OPRM1: variants seen among roughly 807,000 people sequenced by gnomAD.
OPRM1 encodes opioid receptor mu 1.
OPRM1 carries 27 observed loss-of-function variants against 31.8 expected under a neutral mutation model. The observed-to-expected ratio is 0.85, with a 90% CI of 0.63 to 1.17. OPRM1 has a LOEUF of 1.17. Among genes scored for constraint, OPRM1 ranks in the 50% most tolerant of loss-of-function variants. The probability of loss-of-function intolerance (pLI) is 0.00; values close to 1 mark genes in which losing one functional copy is unlikely to be tolerated. For missense variants in OPRM1, 536 were observed against 511.1 expected, an observed-to-expected ratio of 1.05 and a Z score of -0.47; for synonymous variants, 196 against 189.9, an observed-to-expected ratio of 1.03 and a Z score of -0.26.
chr6:154,013,580 A>G (rs1777844642), intron 1 of OPRM1, among the ~76,000 whole-genome samples: 1 of 152,228 alleles, frequency 6.6e-6, no homozygotes, highest in Admixed American at 6.5e-5. Flanking sequence ...GTAAAAGTTT[A>G]ATAAAGCTTA....
At chr6:154,086,735 C>T in intron 1 of OPRM1, 1 of 985,262 alleles carries the variant, frequency 1.0e-6, no homozygotes, top group Non-Finnish European at 1.2e-6. Context: ...TAACATAAAA[C>T]ACCATTAAAG....
In OPRM1 at chr6:154,168,618, T is replaced by C. The variant is rs556204718; in HGVS notation, c.1164+77146T>C. ...TAATTAATTAATTTTATTATTATTT[T>C]TTTTGAGACGGAGTTTTACTGCTGT... is the stretch of plus-strand genomic sequence containing the variant. On this transcript the variant is annotated intron_variant, in intron 3 of 3. Transcript: ENST00000337049. This position sits in a 1 kb window ranked among gnomAD's most constrained non-coding sequence, Gnocchi z 4.1. Among the ~76,000 whole-genome samples, 46 of 152,118 alleles carry C rather than the reference T, an allele frequency of 3.0e-4. No homozygotes were observed. The highest frequency in any genetic ancestry group is 5.6e-4 in the Non-Finnish European group (38 of 68,016).
chr6:154,236,651 G>A (rs1357335619), intron 3 of OPRM1, among the ~76,000 whole-genome samples: 1 of 152,168 alleles, frequency 6.6e-6, no homozygotes, highest in Non-Finnish European at 1.5e-5. Flanking sequence ...AAGATTCAAG[G>A]TGTGAAAATA....
chr6:154,135,478 T>TATAG (rs1428028115), downstream of OPRM1, among the ~76,000 whole-genome samples: 9 of 143,292 alleles, frequency 6.3e-5, no homozygotes, highest in Admixed American at 7.1e-5. Flanking sequence ...TAAAAAAAAA[T>TATAG]ATATAGATAG....
At chr6:154,216,135 T>C (rs1291343473) in intron 3 of OPRM1, among the ~76,000 whole-genome samples, 1 of 152,114 alleles carries the variant, frequency 6.6e-6, no homozygotes, top group Non-Finnish European at 1.5e-5. Flanking sequence ...ATCAATCCTA[T>C]AGAAACACAC....
At chr6:154,012,130 C>T (rs1777763793) in intron 1 of OPRM1, among the ~76,000 whole-genome samples, 2 of 152,140 alleles carry the variant, frequency 1.3e-5, no homozygotes, top group African/African-American at 2.4e-5. Context: ...AAGGTTTGGA[C>T]ATAACTATGG....
intron 1 of OPRM1, among the ~76,000 whole-genome samples, chr6:154,026,948 C>A (rs1030304086): frequency 1.3e-5 from 2 of 151,410 alleles, no homozygotes; most frequent in African/African-American, 2.5e-5. Context: ...CAGGAATAGT[C>A]CCTGGTGGCT....
chr6:154,241,866 C>T (rs1205593116), intron 3 of OPRM1, among the ~76,000 whole-genome samples: 1 of 152,196 alleles, frequency 6.6e-6, no homozygotes, highest in Admixed American at 6.5e-5. Flanking sequence ...ACTATCACTA[C>T]ATGTCTCAGT....
At chr6:154,132,844 G>A (rs1180495874), downstream of OPRM1, among the ~76,000 whole-genome samples, 1 of 152,124 alleles carries the variant, frequency 6.6e-6, no homozygotes, top group Non-Finnish European at 1.5e-5. Context: ...AAAAACGGCT[G>A]GGCGTGGTGG....
intron 1 of OPRM1, chr6:154,087,082 C>T (rs1224516636): frequency 1.0e-6 from 1 of 984,838 alleles, no homozygotes; most frequent in Non-Finnish European, 1.2e-6. Context: ...ATGGCTCTAT[C>T]TTTTTCTTTA....
At chr6:154,138,685 G>A (rs1276511807) in intron 3 of OPRM1, among the ~76,000 whole-genome samples, 6 of 152,186 alleles carry the variant, frequency 3.9e-5, no homozygotes, top group African/African-American at 1.2e-4. Flanking sequence ...ACTTTGGGAG[G>A]AACTTAGTTT....
At chr6:154,232,867 TTTA>T (rs1234481729) in intron 3 of OPRM1, among the ~76,000 whole-genome samples, 1 of 151,786 alleles carries the variant, frequency 6.6e-6, no homozygotes, top group Admixed American at 6.6e-5. Context: ...AATCCAAGAA[TTTA>T]TTATTATTAG....
At chr6:154,180,719 G>A (rs925548879) in intron 3 of OPRM1, among the ~76,000 whole-genome samples, 3 of 152,108 alleles carry the variant, frequency 2.0e-5, no homozygotes, top group South Asian at 4.1e-4. Flanking sequence ...GAATGTGGCT[G>A]TTTATTTTCT....
At position 154,119,248 on chromosome 6, in the gene OPRM1, T is replaced by C. The variant is rs1332154882; in HGVS notation, c.*527T>C. 7 of 985,402 alleles carry C rather than the reference T, an allele frequency of 7.1e-6. No homozygotes were observed. The highest frequency in any genetic ancestry group is 8.4e-6 in the Non-Finnish European group (7 of 829,708). The allele number at this position is 985,402 out of a possible 1,614,324, so 61.0% of individuals were successfully genotyped here. A position where few individuals can be genotyped will look rare whatever the true frequency, so the allele number is the denominator to read the frequency against. On this transcript the variant is annotated 3_prime_UTR_variant, in exon 4 of 4. Transcript: ENST00000330432. ...AATTAGCATCTGGCTAAGGCATCAT[T>C]TTCACCTCCATTTCTTGGTTTTGTA...
At chr6:154,235,531 CAAAAAAAA>C (rs34877577) in intron 3 of OPRM1, among the ~76,000 whole-genome samples, 1 of 97,594 alleles carries the variant, frequency 1.0e-5, no homozygotes, top group Non-Finnish European at 2.0e-5. Flanking sequence ...AACTCTGTCA[CAAAAAAAA>C]AAAAAAAAAA....
intron 3 of OPRM1, among the ~76,000 whole-genome samples, chr6:154,241,034 G>A (rs1221732404): frequency 2.0e-5 from 3 of 151,870 alleles, no homozygotes; most frequent in South Asian, 2.1e-4. Flanking sequence ...TCAAGAGATC[G>A]AGACCATCCT....
intron 3 of OPRM1, among the ~76,000 whole-genome samples, chr6:154,142,290 C>T (rs1027460869): frequency 5.9e-5 from 9 of 152,176 alleles, no homozygotes; most frequent in African/African-American, 2.2e-4. Flanking sequence ...GAGGCAGTCT[C>T]TCCATAGATA....
intron 3 of OPRM1, among the ~76,000 whole-genome samples, chr6:154,102,934 A>C (rs907526058): frequency 2.6e-5 from 4 of 151,900 alleles, no homozygotes; most frequent in African/African-American, 7.3e-5. Flanking sequence ...AAAAAAAAAA[A>C]AACACTCCAT....
At chr6:154,052,438 G>T (rs1016324972) in intron 1 of OPRM1, among the ~76,000 whole-genome samples, 2 of 152,214 alleles carry the variant, frequency 1.3e-5, no homozygotes, top group Non-Finnish European at 2.9e-5. Context: ...CCTAGAGCAA[G>T]CCATAGACAA....
Sources: allele counts gnomAD v4.1 joint callset (sites outside exome capture counted in the v4.1 genomes callset), GRCh38; gene constraint gnomAD v4.1.1; non-coding constraint Gnocchi (gnomAD v3.1); transcripts MANE v1.5; gene names NCBI Gene and HGNC (gene_info 2026-07-23, HGNC 2026-07-21).